The following POC1B variants were observed in gnomAD, a reference collection of about 807,000 sequenced individuals.
The protein encoded by POC1B is POC1 centriolar protein B, also known as POC1 centriolar protein homolog B.
A neutral mutation model predicts 60.6 loss-of-function variants in POC1B; 44 were observed. That is an observed-to-expected ratio of 0.73 (90% confidence interval 0.57 to 0.93). The LOEUF (loss-of-function observed/expected upper bound fraction) is 0.93, where lower values mean the gene tolerates loss of function less well. Ranked by LOEUF, POC1B falls within the 40% of genes least tolerant of loss-of-function variation. The probability of loss-of-function intolerance (pLI) is 0.00; values close to 1 mark genes in which losing one functional copy is unlikely to be tolerated. For synonymous variants in POC1B, 180 were observed against 198.9 expected, an observed-to-expected ratio of 0.90 and a Z score of 0.80; for missense variants, 555 against 572.3, an observed-to-expected ratio of 0.97 and a Z score of 0.31.
downstream of POC1B, among the ~76,000 whole-genome samples, chr12:89,417,753 G>A (rs1355324939): frequency 6.6e-6 from 1 of 152,184 alleles, no homozygotes; most frequent in African/African-American, 2.4e-5. Context: ...ATCAGATGAT[G>A]TGGCTGAAGA....
chr12:89,508,451 G>A, intron 2 of POC1B, among the ~76,000 whole-genome samples: 1 of 152,120 alleles, frequency 6.6e-6, no homozygotes, highest in East Asian at 1.9e-4. Context: ...ATATAATTTT[G>A]ACAAGAATAT....
chr12:89,459,623 A>G lies in POC1B; in HGVS notation c.1113+15T>C. On this transcript the variant is annotated intron_variant, in intron 10 of 11. Coordinates refer to ENST00000313546, the MANE Select transcript of POC1B (RefSeq NM_172240.3). ...CCACTTAAGTGTCAAAAAAAAAAAA[A>G]AAAACCCGACTTACTGTGGTAGAAT... is the stretch of plus-strand genomic sequence containing the variant. 7.2e-7 allele frequency: 1 copy of G among 1,395,924 alleles called. No homozygotes were observed. The highest frequency in any genetic ancestry group is 1.5e-5 in the South Asian group (1 of 68,300). 86.5% of individuals were successfully genotyped at this position (1,395,924 alleles called of 1,614,324 possible). A position where few individuals can be genotyped will look rare whatever the true frequency, so the allele number is the denominator to read the frequency against.
At chr12:89,504,601 TA>T (rs1555185813) in intron 2 of POC1B, among the ~76,000 whole-genome samples, 26 of 18,882 alleles carry the variant, frequency 1.4e-3, no homozygotes, top group Admixed American at 1.8e-3. Flanking sequence ...GAATGATCAA[TA>T]AAAAAAAAAA....
At chr12:89,498,378 A>G (rs1444958688) in intron 2 of POC1B, among the ~76,000 whole-genome samples, 2 of 152,238 alleles carry the variant, frequency 1.3e-5, no homozygotes, top group African/African-American at 4.8e-5. Flanking sequence ...ATTTTATTAT[A>G]TGCATGTAGC....
chr12:89,505,948 G>A (rs1345608512), intron 2 of POC1B, among the ~76,000 whole-genome samples: 1 of 152,128 alleles, frequency 6.6e-6, no homozygotes, highest in Non-Finnish European at 1.5e-5. Context: ...TAGATGTGAG[G>A]GAGAGAAAAA....
At chr12:89,495,281 AAGCT>A (rs1194020173) in intron 3 of POC1B, among the ~76,000 whole-genome samples, 1 of 152,212 alleles carries the variant, frequency 6.6e-6, no homozygotes, top group Non-Finnish European at 1.5e-5. Flanking sequence ...GATAGTAAAA[AAGCT>A]AGTTCTAAAT....
chr12:89,496,943 T>G, intron 3 of POC1B: 2 of 489,872 alleles, frequency 4.1e-6, no homozygotes, highest in East Asian at 6.7e-5. Context: ...TCAAAAAAAC[T>G]TAGACATATT....
chr12:89,490,634 C>T (rs956968403), intron 4 of POC1B, among the ~76,000 whole-genome samples: 2 of 152,000 alleles, frequency 1.3e-5, no homozygotes, highest in African/African-American at 4.8e-5. Flanking sequence ...CATGAGCCAC[C>T]GTGCCCAGCC....
At chr12:89,437,680 T>C (rs992347149) in intron 10 of POC1B, among the ~76,000 whole-genome samples, 2 of 151,818 alleles carry the variant, frequency 1.3e-5, no homozygotes, top group African/African-American at 4.8e-5. Flanking sequence ...ATCATTATTA[T>C]TGAACTTGCT....
At chr12:89,494,420 C>T (rs748832149) in intron 3 of POC1B, among the ~76,000 whole-genome samples, 15 of 152,048 alleles carry the variant, frequency 9.9e-5, no homozygotes, top group Non-Finnish European at 1.6e-4. Context: ...TGCCAATACT[C>T]ATCTCATCCC....
chr12:89,458,423 A>T (rs186123934), intron 10 of POC1B, among the ~76,000 whole-genome samples: 3 of 152,366 alleles, frequency 2.0e-5, no homozygotes, highest in African/African-American at 7.2e-5. Flanking sequence ...TGTAAGAAAC[A>T]AGAACACAGA....
At chr12:89,450,081 AAAC>A (rs1565730134) in intron 10 of POC1B, among the ~76,000 whole-genome samples, 1 of 152,240 alleles carries the variant, frequency 6.6e-6, no homozygotes, top group African/African-American at 2.4e-5. Context: ...CATAGAATCC[AAAC>A]AACAACAAAA....
rs1592621402 is a variant in POC1B, at chr12:89,488,006, TAC to T, written c.452+3928_452+3929del. On this transcript the variant is annotated intron_variant, in intron 4 of 11. Coordinates refer to ENST00000313546, the MANE Select transcript of POC1B (RefSeq NM_172240.3). ...AGGCCAAGACTGTGTCTTTCATCTCTACATACTTAATATAGCTATATGGTACA... is the reference window on the plus strand; with the variant it reads ...AGGCCAAGACTGTGTCTTTCATCTCTATACTTAATATAGCTATATGGTACA... Among the ~76,000 whole-genome samples, 3 of 152,310 alleles carry T rather than the reference TAC, an allele frequency of 2.0e-5. No homozygotes were observed. In the East Asian group the frequency reaches 5.8e-4, roughly 29 times the overall value.
chr12:89,440,171 A>G (rs1034888654), intron 10 of POC1B, among the ~76,000 whole-genome samples: 1 of 152,198 alleles, frequency 6.6e-6, no homozygotes, highest in African/African-American at 2.4e-5. Flanking sequence ...TAACACCACA[A>G]GATGCACTAC....
chr12:89,497,798 A>T (rs1360649286), intron 2 of POC1B, among the ~76,000 whole-genome samples: 2 of 152,212 alleles, frequency 1.3e-5, no homozygotes, highest in African/African-American at 2.4e-5. Context: ...ACTTACAGAA[A>T]AGTTACAAGA....
At chr12:89,423,269 G>A (rs762437336) in intron 11 of POC1B, among the ~76,000 whole-genome samples, 13 of 152,066 alleles carry the variant, frequency 8.5e-5, no homozygotes, top group Non-Finnish European at 1.6e-4. Flanking sequence ...AGTTTTAGAC[G>A]AGCCTAGGCA....
At chr12:89,520,853 C>A (rs1008770477) in intron 2 of POC1B, 11 of 152,240 alleles carry the variant, frequency 7.2e-5, no homozygotes, top group African/African-American at 2.4e-4. Context: ...ATTCTAAATT[C>A]ATCCTGTGAT....
At chr12:89,471,767 T>TA in intron 5 of POC1B, 38 bp from the exon 6 acceptor site, 66 of 1,225,640 alleles carry the variant, frequency 5.4e-5, no homozygotes, top group Non-Finnish European at 6.4e-5. Flanking sequence ...TATTTCAATT[T>TA]CTTTTTTTTT....
chr12:89,410,414 T>G, the POC1B span, among the ~76,000 whole-genome samples: 1 of 152,108 alleles, frequency 6.6e-6, no homozygotes, highest in Admixed American at 6.5e-5. Context: ...GCGCGGTGGC[T>G]CACACCTGTA....
Sources: allele counts gnomAD v4.1 joint callset (sites outside exome capture counted in the v4.1 genomes callset), GRCh38; gene constraint gnomAD v4.1.1; transcripts MANE v1.5; gene names NCBI Gene and HGNC (gene_info 2026-07-23, HGNC 2026-07-21).